The following KLF7 variants were observed in gnomAD, a reference collection of about 807,000 sequenced individuals.
KLF7 encodes Krueppel-like factor 7.
In KLF7, 2 loss-of-function variants were observed where a neutral mutation model predicts 27.3. The observed-to-expected ratio is 0.07, with a 90% CI of 0.03 to 0.23. KLF7 has a LOEUF of 0.23. Among genes scored for constraint, KLF7 ranks in the 10% least tolerant of loss-of-function variants. KLF7 has a pLI of 1.00. For synonymous variants in KLF7, 165 were observed against 162.4 expected (o/e 1.02, Z -0.12); for missense variants, 221 against 394.1 (o/e 0.56, Z 3.72).
rs1173376388 is a variant in KLF7, at chr2:207,080,697, T to C, written c.*516A>G. On this transcript the variant is annotated 3_prime_UTR_variant, in exon 4 of 4. Transcript: ENST00000309446. ...TTAATTTTGGCTACCAAACTGCAAT[T>C]TGGTTTTCTAGGTCATTTTCCCCCA... The C allele has an allele frequency of 5.0e-6, 2 of 397,478 alleles. No homozygotes were observed. The highest frequency in any genetic ancestry group is 2.1e-5 in the African/African-American group (1 of 48,566). 24.6% of individuals were successfully genotyped at this position (397,478 alleles called of 1,614,324 possible).
chr2:207,115,315 C>A (rs1180389121), intron 2 of KLF7, among the ~76,000 whole-genome samples: 1 of 152,126 alleles, frequency 6.6e-6, no homozygotes, highest in Non-Finnish European at 1.5e-5. Flanking sequence ...CGGGTCAGTC[C>A]CCAGCTCACC....
chr2:207,149,192 A>G (rs2078175596), intron 1 of KLF7: 1 of 1,282,542 alleles, frequency 7.8e-7, no homozygotes, highest in South Asian at 1.2e-5. Context: ...GATGATCTTC[A>G]ATAATTTTCT....
At chr2:207,148,515 T>C (rs1047854507) in intron 1 of KLF7, among the ~76,000 whole-genome samples, 15 of 152,196 alleles carry the variant, frequency 9.9e-5, no homozygotes, top group Non-Finnish European at 1.6e-4. Context: ...AAGATAGTAA[T>C]GAGCAAAAAT....
intron 1 of KLF7, among the ~76,000 whole-genome samples, chr2:207,128,745 G>A (rs1177842703): frequency 6.6e-6 from 1 of 152,136 alleles, no homozygotes; most frequent in East Asian, 1.9e-4. Context: ...ATCTAATCAT[G>A]AGAAAACAGA....
intron 1 of KLF7, among the ~76,000 whole-genome samples, chr2:207,141,951 G>A (rs74808261): frequency 1.3e-5 from 2 of 151,842 alleles, no homozygotes; most frequent in Non-Finnish European, 2.9e-5. Flanking sequence ...ACTTTCATTC[G>A]GCCCTGCTCA....
At chr2:207,118,563 A>C (rs2077251742) in intron 2 of KLF7, among the ~76,000 whole-genome samples, 1 of 152,190 alleles carries the variant, frequency 6.6e-6, no homozygotes, top group Non-Finnish European at 1.5e-5. Flanking sequence ...AAGTTAAGAG[A>C]GCTCCCACTG....
chr2:207,166,293 A>C, upstream of KLF7: 1 of 497,770 alleles, frequency 2.0e-6, no homozygotes, highest in Non-Finnish European at 2.6e-6. Flanking sequence ...GCGGATTGGC[A>C]CGCTGCGGAT....
intron 1 of KLF7, among the ~76,000 whole-genome samples, chr2:207,146,250 T>G (rs112795180): frequency 1.3e-5 from 2 of 152,200 alleles, no homozygotes; most frequent in South Asian, 2.1e-4. Context: ...GAAGCTACCA[T>G]GTATATTCCC....
intron 2 of KLF7, among the ~76,000 whole-genome samples, chr2:207,108,944 A>G (rs2076955546): frequency 6.6e-6 from 1 of 152,234 alleles, no homozygotes; most frequent in Non-Finnish European, 1.5e-5. Flanking sequence ...CAACTCATAC[A>G]CCAAGATCCA....
At chr2:207,151,797 T>C (rs1185718129) in intron 1 of KLF7, among the ~76,000 whole-genome samples, 1 of 151,254 alleles carries the variant, frequency 6.6e-6, no homozygotes, top group Non-Finnish European at 1.5e-5. Flanking sequence ...CAAAATTTTT[T>C]AAAAAGAAAA....
chr2:207,161,239 CATAAAG>C (rs1364787526), intron 1 of KLF7, among the ~76,000 whole-genome samples: 3 of 152,152 alleles, frequency 2.0e-5, no homozygotes, highest in African/African-American at 7.2e-5. Flanking sequence ...ATTGCATCTT[CATAAAG>C]ATAAATTCTG....
rs745993873 is a variant in KLF7, at chr2:207,124,166, G to T, written c.341C>A (p.Pro114Gln). The change falls in exon 2 of 4, where the codon CCG becomes CAG. Residue 114 changes from proline to glutamine, a missense_variant. Pro to Gln is a moderately conservative substitution (Grantham distance 76). Coordinates refer to ENST00000309446, the MANE Select transcript of KLF7 (RefSeq NM_003709.4). ...LLSETCLSLQ[P>Q]ASSSLDSYTA... ...GTAGCTGTCTAGAGAAGAGCTGGCC[G>T]GCTGGAGGCTGAGGCAGGTCTCAGA... is the stretch of plus-strand genomic sequence containing the variant. 6.2e-6 allele frequency: 10 copies of T among 1,614,036 alleles called. 1 individual carries two copies. The South Asian group carries it at 9.9e-5, about 16-fold the overall frequency.
chr2:207,105,405 G>A (rs1268567165), intron 2 of KLF7, among the ~76,000 whole-genome samples: 1 of 152,182 alleles, frequency 6.6e-6, no homozygotes, highest in African/African-American at 2.4e-5. Context: ...GGTAGGTGGT[G>A]ATGTTTCCAT....
At chr2:207,152,133 A>T (rs2078263268) in intron 1 of KLF7, among the ~76,000 whole-genome samples, 1 of 152,198 alleles carries the variant, frequency 6.6e-6, no homozygotes, top group Admixed American at 6.5e-5. Flanking sequence ...TCACACAAAA[A>T]GCATCACTTC....
chr2:207,088,441 CT>C lies in KLF7; in HGVS notation c.857+16del. On this transcript the variant is annotated intron_variant, in intron 3 of 3. Coordinates refer to ENST00000309446, the MANE Select transcript of KLF7 (RefSeq NM_003709.4). ...CCATCTCTCCTCCCTAGCCCATCAACTTCTACTTCTCTTTACCTGTCGCAGT... is the reference window on the plus strand; with the variant it reads ...CCATCTCTCCTCCCTAGCCCATCAACTCTACTTCTCTTTACCTGTCGCAGT... 6.2e-7 allele frequency: 1 copy of C among 1,612,626 alleles called. No homozygotes were observed. The highest frequency in any genetic ancestry group is 8.5e-7 in the Non-Finnish European group (1 of 1,178,896).
upstream of KLF7, among the ~76,000 whole-genome samples, chr2:207,167,729 C>T (rs1673385259): frequency 6.6e-6 from 1 of 152,224 alleles, no homozygotes; most frequent in African/African-American, 2.4e-5. Flanking sequence ...AGCTAACTAG[C>T]TGCACGACTT....
At position 207,081,147 on chromosome 2, in the gene KLF7, C is replaced by T; in HGVS notation, c.*66G>A. Reference sequence around the variant, plus strand: ...AATGGGTCCCCGCCTGAAGTCCAGCCCCCTGCCTCATGGCGTTTCCTTTAG... The same window carrying T: ...AATGGGTCCCCGCCTGAAGTCCAGCTCCCTGCCTCATGGCGTTTCCTTTAG... On this transcript the variant is annotated 3_prime_UTR_variant, in exon 4 of 4. Coordinates refer to ENST00000309446, the MANE Select transcript of KLF7 (RefSeq NM_003709.4). 2 of 1,459,908 alleles carry T rather than the reference C, an allele frequency of 1.4e-6. No homozygotes were observed. The highest frequency in any genetic ancestry group is 1.9e-6 in the Non-Finnish European group (2 of 1,039,684). The allele number at this position is 1,459,908 out of a possible 1,614,324, so 90.4% of individuals were successfully genotyped here.
At chr2:207,160,736 C>G (rs886885384) in intron 1 of KLF7, among the ~76,000 whole-genome samples, 2 of 152,212 alleles carry the variant, frequency 1.3e-5, no homozygotes, top group African/African-American at 4.8e-5. Flanking sequence ...CATTAGGACC[C>G]TCTCTGAACT....
chr2:207,095,094 G>A (rs1198578384), intron 2 of KLF7, among the ~76,000 whole-genome samples: 1 of 127,990 alleles, frequency 7.8e-6, no homozygotes, highest in African/African-American at 3.0e-5. Context: ...AGGCTGGAGT[G>A]CAGTGGCGCG....
Sources: gnomAD v4.1 joint callset for allele counts (sites outside exome capture counted in the v4.1 genomes callset) on GRCh38, gnomAD v4.1.1 for gene constraint, MANE v1.5 for transcripts, NCBI Gene and HGNC (gene_info 2026-07-23, HGNC 2026-07-21) for gene names.